ENPEP: variants seen among roughly 807,000 people sequenced by gnomAD.
ENPEP encodes AP-A.
A neutral mutation model predicts 114.5 loss-of-function variants in ENPEP; 103 were observed. That is an observed-to-expected ratio of 0.90 (90% confidence interval 0.77 to 1.06). ENPEP has a LOEUF of 1.06. Ranked by LOEUF, ENPEP falls within the 50% of genes least tolerant of loss-of-function variation. ENPEP has a pLI of 0.00. For missense variants in ENPEP, 1,196 were observed against 1,161.3 expected, an observed-to-expected ratio of 1.03 and a Z score of -0.43; for synonymous variants, 420 against 422.0, an observed-to-expected ratio of 1.00 and a Z score of 0.06.
rs781433437 is a variant in ENPEP at position 110,476,968 on chromosome 4, T to C, written c.554T>C (p.Leu185Pro). ...CTTACCCCCAGCAGTGGAGATGGCCTGTATCTCCTGACCATGGAGTTCGCC... is the reference window on the plus strand; with the variant it reads ...CTTACCCCCAGCAGTGGAGATGGCCCGTATCTCCTGACCATGGAGTTCGCC... The part of the protein sequence containing the change: ...EELTPSSGDG[L>P]YLLTMEFAGW... The change falls in exon 1 of 20, where the codon CTG becomes CCG. Residue 185 changes from leucine (L) to proline (P), a missense_variant. Transcript: ENST00000265162. The C allele has an allele frequency of 1.9e-6, 3 of 1,614,202 alleles. No homozygotes were observed. Among genetic ancestry groups the C allele is most frequent in the South Asian group, 2.2e-5 (2 of 91,082 alleles).
chr4:110,491,722 T>C (rs1188256695), intron 3 of ENPEP, among the ~76,000 whole-genome samples: 17 of 59,082 alleles, frequency 2.9e-4, no homozygotes, highest in East Asian at 1.7e-3. Flanking sequence ...TTCTTTCTTT[T>C]TTTTTTTTTT....
At chr4:110,522,528 T>C (rs1277121355) in intron 10 of ENPEP, among the ~76,000 whole-genome samples, 1 of 152,064 alleles carries the variant, frequency 6.6e-6, no homozygotes, top group Non-Finnish European at 1.5e-5. Flanking sequence ...AGGCAAATAA[T>C]ATCAAATACA....
intron 3 of ENPEP, among the ~76,000 whole-genome samples, chr4:110,495,929 G>A (rs767276105): frequency 1.3e-5 from 2 of 152,144 alleles, no homozygotes; most frequent in Non-Finnish European, 2.9e-5. Flanking sequence ...CTGAACAGAG[G>A]GGGAAGCTGG....
intron 10 of ENPEP, among the ~76,000 whole-genome samples, chr4:110,528,003 G>A (rs959756137): frequency 2.6e-5 from 4 of 151,692 alleles, no homozygotes; most frequent in Non-Finnish European, 2.9e-5. Context: ...ATATCATCAC[G>A]GTATAAAATC....
At position 110,562,743 on chromosome 4, in the gene ENPEP, TC is replaced by T. The variant is rs1055806993; in HGVS notation, c.*1187del. The T allele has an allele frequency of 6.6e-6, 1 of 152,140 alleles. No homozygotes were observed. The highest frequency in any genetic ancestry group is 2.4e-5 in the African/African-American group (1 of 41,440). 9.4% of individuals were successfully genotyped at this position (152,140 alleles called of 1,614,324 possible). On this transcript the variant is annotated 3_prime_UTR_variant, in exon 20 of 20. Transcript: ENST00000265162. Reference sequence around the variant, plus strand: ...AATATGGCACTTGATACCTCCTAGATCCATAATGTAAGTCCAATAGGCAGAA... The same window carrying T: ...AATATGGCACTTGATACCTCCTAGATCATAATGTAAGTCCAATAGGCAGAA...
At chr4:110,543,306 T>G (rs6853858) in intron 13 of ENPEP, among the ~76,000 whole-genome samples, 1,777 of 152,222 alleles carry the variant, frequency 0.012, 34 homozygotes, top group African/African-American at 0.041. Flanking sequence ...ACTTATTGAC[T>G]TTGAGTATGG....
intron 3 of ENPEP, among the ~76,000 whole-genome samples, chr4:110,491,692 G>A (rs1445966480): frequency 6.7e-6 from 1 of 149,338 alleles, no homozygotes; most frequent in Non-Finnish European, 1.5e-5. Context: ...ATATCAAGAC[G>A]ACTAGTTCAA....
At chr4:110,557,653 TG>T (rs1384185081) in intron 18 of ENPEP, among the ~76,000 whole-genome samples, 1 of 152,136 alleles carries the variant, frequency 6.6e-6, no homozygotes, top group Non-Finnish European at 1.5e-5. Flanking sequence ...TTCAAGAGCC[TG>T]GGGAGATCTA....
At chr4:110,519,359 A>C (rs905297832) in intron 8 of ENPEP, 4 of 228,180 alleles carry the variant, frequency 1.8e-5, no homozygotes, top group African/African-American at 4.5e-5. Context: ...AGTCAGGACA[A>C]TTCTAGAAAG....
Position 110,553,416 on chromosome 4 carries a change from G to A in ENPEP, c.2603G>A (p.Trp868Ter), listed in dbSNP as rs1221323468. ...SYNSYGKNMA[W>*]NWIQLNWDYL... Reference sequence around the variant, plus strand: ...AACAGCTATGGGAAGAACATGGCCTGGAATTGGATACAACTCAACTGGGAC... The same window carrying A: ...AACAGCTATGGGAAGAACATGGCCTAGAATTGGATACAACTCAACTGGGAC... The change falls in exon 18 of 20, where the codon TGG becomes TAG. Residue 868 changes from tryptophan (W) to a stop codon, truncating the protein, a stop_gained. Transcript: ENST00000265162. LOFTEE classifies it high-confidence loss of function. The A allele has an allele frequency of 5.0e-6, 8 of 1,610,944 alleles. No individual in the cohort carries two copies. Among genetic ancestry groups the A allele is most frequent in the Admixed American group, 1.7e-5 (1 of 59,960 alleles).
intron 1 of ENPEP, among the ~76,000 whole-genome samples, chr4:110,479,347 A>T (rs990487174): frequency 6.6e-6 from 1 of 152,142 alleles, no homozygotes; most frequent in African/African-American, 2.4e-5. Context: ...TTTCACCTAT[A>T]AGGATCTAGA....
chr4:110,543,484 G>A (rs936890995), intron 13 of ENPEP, among the ~76,000 whole-genome samples: 5 of 152,064 alleles, frequency 3.3e-5, no homozygotes, highest in African/African-American at 1.2e-4. Flanking sequence ...GTCAAATCTT[G>A]TTCAGGTCAC....
In ENPEP at chr4:110,520,201, GT is replaced by G. The variant is rs1312866919; in HGVS notation, c.1576-10del. 2 of 1,610,880 alleles carry G rather than the reference GT, an allele frequency of 1.2e-6. No individual in the cohort carries two copies. Among genetic ancestry groups the G allele is most frequent in the South Asian group, 2.2e-5 (2 of 90,750 alleles). ...TTGTTAATTAATTAATCTCCATTTT[GT>G]TTTCAATCTTAGGCAAGTAGGCTAC... On this transcript the variant is annotated splice_polypyrimidine_tract_variant and intron_variant, in intron 9 of 19. Transcript: ENST00000265162.
At chr4:110,507,730 T>C in intron 4 of ENPEP, among the ~76,000 whole-genome samples, 1 of 152,110 alleles carries the variant, frequency 6.6e-6, no homozygotes, top group East Asian at 1.9e-4. Flanking sequence ...AATCCCAACA[T>C]TTTGGGAGGC....
chr4:110,549,818 A>G lies in ENPEP; in HGVS notation c.2433A>G (p.Ser811=). 6.2e-7 allele frequency: 1 copy of G among 1,613,348 alleles called. No individual in the cohort carries two copies. The highest frequency in any genetic ancestry group is 8.5e-7 in the Non-Finnish European group (1 of 1,179,532). The change falls in exon 17 of 20, where the codon TCA becomes TCG. Residue 811 remains serine (S), a synonymous_variant. Transcript: ENST00000265162. ...CTCTTGAGCAATACCAGAAAACTTC[A>G]TTAGCTCAAGAAAAAGAAAAACTGC... ...NYTLEQYQKT[S]LAQEKEKLLY...
Position 110,542,733 on chromosome 4 carries a change from G to C in ENPEP, c.1808-18G>C. The C allele has an allele frequency of 6.2e-7, 1 of 1,603,100 alleles. No individual in the cohort carries two copies. The highest frequency in any genetic ancestry group is 8.5e-7 in the Non-Finnish European group (1 of 1,174,094). ...GCATGCAAACATGTTGCTCATTAGTGTTTATTTACTACTACAGGAATCACT... is the reference window on the plus strand; with the variant it reads ...GCATGCAAACATGTTGCTCATTAGTCTTTATTTACTACTACAGGAATCACT... On this transcript the variant is annotated intron_variant, in intron 11 of 19. Transcript: ENST00000265162.
chr4:110,476,811 T>C lies in ENPEP; in HGVS notation c.397T>C (p.Trp133Arg). 2 of 1,614,092 alleles carry C rather than the reference T, an allele frequency of 1.2e-6. No homozygotes were observed. The highest frequency in any genetic ancestry group is 8.5e-7 in the Non-Finnish European group (1 of 1,180,018). The change falls in exon 1 of 20, where the codon TGG becomes CGG. Residue 133 changes from tryptophan (W) to arginine (R), a missense_variant. By Grantham distance (101) the Trp-to-Arg change is moderately radical (BLOSUM62 -3). Coordinates refer to ENST00000265162, the MANE Select transcript of ENPEP (RefSeq NM_001977.4). The part of the protein sequence containing the change: ...INLSAPTRYL[W>R]LHLRETRITR... ...CCTGAGCGCTCCCACCCGGTACCTGTGGCTGCACCTCCGGGAGACCAGGAT... is the reference window on the plus strand; with the variant it reads ...CCTGAGCGCTCCCACCCGGTACCTGCGGCTGCACCTCCGGGAGACCAGGAT...
At chr4:110,540,719 C>T (rs1228537676) in intron 11 of ENPEP, among the ~76,000 whole-genome samples, 1 of 152,168 alleles carries the variant, frequency 6.6e-6, no homozygotes, top group East Asian at 1.9e-4. Context: ...AGGAACTTCT[C>T]AACGTTATTT....
At chr4:110,526,523 GA>G (rs1380718662) in intron 10 of ENPEP, among the ~76,000 whole-genome samples, 1 of 152,208 alleles carries the variant, frequency 6.6e-6, no homozygotes, top group Non-Finnish European at 1.5e-5. Flanking sequence ...CTGGTTCCAA[GA>G]AACGGGATAG....
Sources: allele counts gnomAD v4.1 joint callset (sites outside exome capture counted in the v4.1 genomes callset), GRCh38; gene constraint gnomAD v4.1.1; transcripts MANE v1.5; gene names NCBI Gene and HGNC (gene_info 2026-07-23, HGNC 2026-07-21).